ITPK1: variants seen among roughly 807,000 people sequenced by gnomAD.
The protein encoded by ITPK1 is inositol-tetrakisphosphate 1-kinase.
In ITPK1, 21 loss-of-function variants were observed where a neutral mutation model predicts 45.3. The ratio of observed to expected loss-of-function variants is 0.46; its 90% CI spans 0.33 to 0.67. The LOEUF is 0.67. Among genes scored for constraint, ITPK1 ranks in the 30% least tolerant of loss-of-function variants. The pLI is 0.02. For synonymous variants in ITPK1, 258 were observed against 253.6 expected, an observed-to-expected ratio of 1.02 and a Z score of -0.16; for missense variants, 474 against 573.5, an observed-to-expected ratio of 0.83 and a Z score of 1.77.
rs776687818 is a variant in ITPK1 at position 92,946,424 on chromosome 14, G to A, written c.808C>T (p.Arg270Trp). The A allele has an allele frequency of 9.9e-6, 16 of 1,612,980 alleles. No homozygotes were observed. The highest frequency in any genetic ancestry group is 4.5e-5 in the East Asian group (2 of 44,892). Residue 270 changes from arginine to tryptophan, a missense_variant, in exon 10 of 11, where the codon CGG becomes TGG. This residue lies in a region of ITPK1 where 367 missense variants were observed against 480.6 expected (regional missense o/e 0.76). Transcript: ENST00000267615. ...EVIRELSRAL[R>W]QALGVSLFGI... ...AAGAGTGACACGCCCAGTGCCTGCC[G>A]CAGGGCCCGGGAGAGCTCCCGGATG... is the stretch of plus-strand genomic sequence containing the variant.
chr14:93,056,391 G>A (rs1890215209), intron 3 of ITPK1, among the ~76,000 whole-genome samples: 1 of 152,206 alleles, frequency 6.6e-6, no homozygotes. Context: ...TTGGTGAACT[G>A]CAGACTGACT....
chr14:93,039,896 T>A (rs1362779981), intron 3 of ITPK1, among the ~76,000 whole-genome samples: 2 of 152,122 alleles, frequency 1.3e-5, no homozygotes, highest in African/African-American at 4.8e-5. Flanking sequence ...GGCCACTGAG[T>A]GTTCTTACTG....
At chr14:92,975,811 T>A (rs1885911439) in intron 5 of ITPK1, among the ~76,000 whole-genome samples, 1 of 152,188 alleles carries the variant, frequency 6.6e-6, no homozygotes, top group African/African-American at 2.4e-5. Flanking sequence ...GACTATGATA[T>A]GGTTTGGCTG....
chr14:92,960,155 C>G (rs186156787), intron 7 of ITPK1, among the ~76,000 whole-genome samples: 3 of 152,174 alleles, frequency 2.0e-5, no homozygotes, highest in Admixed American at 6.5e-5. Flanking sequence ...CACACCTTGC[C>G]GGCAGTGGAC....
At chr14:93,093,562 A>C (rs1891948844) in intron 2 of ITPK1, among the ~76,000 whole-genome samples, 3 of 152,058 alleles carry the variant, frequency 2.0e-5, no homozygotes, top group Admixed American at 1.3e-4. Flanking sequence ...GCAAACATGA[A>C]TGTGCCGTGT....
intron 5 of ITPK1, among the ~76,000 whole-genome samples, chr14:92,980,670 T>A (rs1405174823): frequency 1.3e-5 from 2 of 151,998 alleles, no homozygotes; most frequent in African/African-American, 4.8e-5. Flanking sequence ...TCTCTCATAG[T>A]TTGTTTGTTT....
At chr14:93,038,397 C>T (rs1293064604) in intron 3 of ITPK1, among the ~76,000 whole-genome samples, 1 of 152,168 alleles carries the variant, frequency 6.6e-6, no homozygotes, top group Admixed American at 6.5e-5. Context: ...TTTATTTAAT[C>T]AATTCCCTAC....
chr14:93,079,994 C>G (rs949498821), intron 2 of ITPK1, among the ~76,000 whole-genome samples: 1 of 152,204 alleles, frequency 6.6e-6, no homozygotes, highest in African/African-American at 2.4e-5. Context: ...AAAACACTAG[C>G]AGCAAATTAA....
At chr14:93,078,569 G>T (rs918426188) in intron 2 of ITPK1, among the ~76,000 whole-genome samples, 1 of 152,162 alleles carries the variant, frequency 6.6e-6, no homozygotes, top group African/African-American at 2.4e-5. Context: ...TGCAGTTCCT[G>T]TAGGAATGGT....
At chr14:92,962,256 A>G (rs1885113527) in intron 7 of ITPK1, 99 bp downstream of exon 7, 1 of 878,030 alleles carries the variant, frequency 1.1e-6, no homozygotes, top group Admixed American at 1.7e-5. Flanking sequence ...ACAGCAGGGC[A>G]GGAGCAGTGG....
chr14:93,065,940 G>A (rs1890724904), intron 3 of ITPK1, among the ~76,000 whole-genome samples: 1 of 152,044 alleles, frequency 6.6e-6, no homozygotes, highest in African/African-American at 2.4e-5. Flanking sequence ...GCAAAACTAG[G>A]GACACAGAAA....
intron 3 of ITPK1, among the ~76,000 whole-genome samples, chr14:93,051,032 G>GCT (rs1566756769): frequency 1.3e-5 from 2 of 152,128 alleles, no homozygotes; most frequent in African/African-American, 4.8e-5. Context: ...TGTGCCCAGT[G>GCT]CTCAGCACAG....
At chr14:93,111,089 T>C (rs1247730838) in intron 2 of ITPK1, among the ~76,000 whole-genome samples, 6 of 151,904 alleles carry the variant, frequency 3.9e-5, no homozygotes, top group African/African-American at 1.2e-4. Flanking sequence ...TTAAATGAGA[T>C]GAGGTCCCTG....
At chr14:93,031,252 A>C (rs1190153393) in intron 3 of ITPK1, among the ~76,000 whole-genome samples, 2 of 151,952 alleles carry the variant, frequency 1.3e-5, no homozygotes, top group African/African-American at 2.4e-5. Context: ...CGAGCAGAGG[A>C]GGCCAGCGTG....
chr14:92,973,150 C>T (rs186885252), intron 5 of ITPK1, among the ~76,000 whole-genome samples: 3 of 152,170 alleles, frequency 2.0e-5, no homozygotes, highest in Non-Finnish European at 4.4e-5. Context: ...GCACTGCTAC[C>T]GAGTTTTGTT....
intron 2 of ITPK1, among the ~76,000 whole-genome samples, chr14:93,081,198 A>G (rs1011969943): frequency 1.3e-5 from 2 of 151,634 alleles, no homozygotes; most frequent in Admixed American, 1.3e-4. Flanking sequence ...GCTGGGCATA[A>G]CAGCAGGTGC....
chr14:93,016,949 T>C lies in ITPK1; in HGVS notation c.121-148A>G, dbSNP rs1433797456. On this transcript the variant is annotated intron_variant, in intron 3 of 10. Transcript: ENST00000267615. This position sits in a 1 kb window ranked among gnomAD's most constrained non-coding sequence, Gnocchi z 5.0. ...AGATGGGGCAGGAGGAGGGCTGACA[T>C]GGAAAATACAGACAGGACAAGCAGG... is the stretch of plus-strand genomic sequence containing the variant. 6.8e-6 allele frequency: 7 copies of C among 1,029,092 alleles called. No homozygotes were observed. Among genetic ancestry groups the C allele is most frequent in the African/African-American group, 1.6e-5 (1 of 62,392 alleles). 63.7% of individuals were successfully genotyped at this position (1,029,092 alleles called of 1,614,324 possible).
intron 3 of ITPK1, among the ~76,000 whole-genome samples, chr14:93,039,969 A>G (rs1004096276): frequency 6.6e-6 from 1 of 152,072 alleles, no homozygotes; most frequent in African/African-American, 2.4e-5. Context: ...GCACCCAGAA[A>G]CCCTCTGGAT....
intron 5 of ITPK1, among the ~76,000 whole-genome samples, chr14:92,989,665 T>TGCG (rs1183594028): frequency 6.6e-6 from 1 of 152,180 alleles, no homozygotes; most frequent in Non-Finnish European, 1.5e-5. Flanking sequence ...TGTTTGTTAC[T>TGCG]GCGGCCTCCT....
Sources: gnomAD v4.1 joint callset for allele counts (sites outside exome capture counted in the v4.1 genomes callset) on GRCh38, gnomAD v4.1.1 for gene constraint, gnomAD v4.1.1 regional missense constraint, Gnocchi (gnomAD v3.1) non-coding constraint, MANE v1.5 for transcripts, NCBI Gene and HGNC (gene_info 2026-07-23, HGNC 2026-07-21) for gene names.